PHACTR1: variants seen among roughly 807,000 people sequenced by gnomAD.
PHACTR1 encodes the protein RPEL repeat containing 1.
Under a neutral mutation model 69.2 loss-of-function variants are expected in PHACTR1, and 16 were observed. The ratio of observed to expected loss-of-function variants is 0.23; its 90% CI spans 0.16 to 0.35. The LOEUF (loss-of-function observed/expected upper bound fraction) is 0.35. Ranked by LOEUF, PHACTR1 falls within the 10% of genes least tolerant of loss-of-function variation. The probability of loss-of-function intolerance (pLI) is 1.00; values close to 1 mark genes in which losing one functional copy is unlikely to be tolerated. For synonymous variants in PHACTR1, 312 were observed against 284.5 expected, an observed-to-expected ratio of 1.10 and a Z score of -0.97; for missense variants, 510 against 734.7, an observed-to-expected ratio of 0.69 and a Z score of 3.54.
intron 5 of PHACTR1, among the ~76,000 whole-genome samples, chr6:13,070,782 C>G (rs1466076085): frequency 1.3e-5 from 2 of 151,612 alleles, no homozygotes; most frequent in African/African-American, 4.9e-5. Flanking sequence ...AGAAAGATAC[C>G]TATATGATGT....
At chr6:13,184,738 TG>T in intron 7 of PHACTR1, 1 of 1,289,354 alleles carries the variant, frequency 7.8e-7, no homozygotes, top group Non-Finnish European at 1.0e-6. Flanking sequence ...TGTTCCCCGC[TG>T]GCCCCGCCTG....
chr6:13,059,487 CACACACAA>C (rs1362260048), intron 5 of PHACTR1, among the ~76,000 whole-genome samples: 3 of 139,806 alleles, frequency 2.1e-5, no homozygotes, highest in African/African-American at 8.0e-5. Context: ...CACACACACA[CACACACAA>C]AACCCACAGA....
At chr6:13,270,743 C>A (rs1210457684) in intron 10 of PHACTR1, among the ~76,000 whole-genome samples, 1 of 152,110 alleles carries the variant, frequency 6.6e-6, no homozygotes, top group African/African-American at 2.4e-5. Context: ...ACCAAAAATC[C>A]TTTCTCTGAC....
chr6:13,248,458 C>A (rs1773895273), intron 10 of PHACTR1, among the ~76,000 whole-genome samples: 1 of 152,158 alleles, frequency 6.6e-6, no homozygotes, highest in African/African-American at 2.4e-5. Flanking sequence ...GATAATATAG[C>A]ATCGAGGTAT....
rs562995830 is a variant in PHACTR1, at chr6:13,095,075, C to A, written c.415+41546C>A. ...GAATACACAGCACCGTGGCTGCCACCTGCAAGCCAAGAGAAGAGGCCTCAG... is the reference window on the plus strand; with the variant it reads ...GAATACACAGCACCGTGGCTGCCACATGCAAGCCAAGAGAAGAGGCCTCAG... On this transcript the variant is annotated intron_variant, in intron 5 of 14. Coordinates refer to ENST00000332995, the MANE Select transcript of PHACTR1 (RefSeq NM_030948.6). Among the ~76,000 whole-genome samples the A allele has an allele frequency of 6.8e-4, 103 of 152,294 alleles. 1 individual carries two copies. Among genetic ancestry groups the A allele is most frequent in the Non-Finnish European group, 2.2e-4 (15 of 68,010 alleles).
intron 4 of PHACTR1, among the ~76,000 whole-genome samples, chr6:12,948,302 G>C (rs901796714): frequency 1.3e-5 from 2 of 151,616 alleles, no homozygotes; most frequent in Non-Finnish European, 2.9e-5. Flanking sequence ...CATAAAAGCT[G>C]AGAAATATAG....
intron 8 of PHACTR1, among the ~76,000 whole-genome samples, chr6:13,211,572 T>C (rs1766851253): frequency 6.6e-6 from 1 of 152,196 alleles, no homozygotes; most frequent in Admixed American, 6.5e-5. Flanking sequence ...AAAGAAGTCT[T>C]TCCCTTCTCA....
chr6:13,247,284 C>T (rs1429033406), intron 10 of PHACTR1, among the ~76,000 whole-genome samples: 2 of 151,342 alleles, frequency 1.3e-5, no homozygotes, highest in Admixed American at 1.3e-4. Flanking sequence ...TAGGATTTTC[C>T]TCATTTTGCT....
intron 6 of PHACTR1, among the ~76,000 whole-genome samples, chr6:13,176,003 G>A (rs1399660295): frequency 1.3e-5 from 2 of 151,948 alleles, no homozygotes; most frequent in African/African-American, 2.4e-5. Context: ...GAGACACAGG[G>A]GCCAGTGCTT....
At chr6:12,954,858 A>G (rs1791690576) in intron 4 of PHACTR1, among the ~76,000 whole-genome samples, 1 of 152,214 alleles carries the variant, frequency 6.6e-6, no homozygotes, top group Non-Finnish European at 1.5e-5. Flanking sequence ...TTGTTCCCCT[A>G]AAATAAATTC....
At chr6:13,247,665 T>C (rs1337200783) in intron 10 of PHACTR1, among the ~76,000 whole-genome samples, 4 of 152,100 alleles carry the variant, frequency 2.6e-5, no homozygotes, top group Admixed American at 2.0e-4. Flanking sequence ...TCTTAAAAGA[T>C]GCCAAGACAG....
chr6:12,732,305 C>T (rs75472773), intron 3 of PHACTR1, among the ~76,000 whole-genome samples: 1 of 84,668 alleles, frequency 1.2e-5, no homozygotes, highest in African/African-American at 6.0e-5. Context: ...TGGGCACACA[C>T]AGATTTTTTT....
At chr6:13,195,757 C>CAAAAAAAAAAAGAAA (rs1764284053) in intron 7 of PHACTR1, among the ~76,000 whole-genome samples, 1 of 41,512 alleles carries the variant, frequency 2.4e-5, no homozygotes, top group East Asian at 2.8e-4. Flanking sequence ...GACACCGTCT[C>CAAAAAAAAAAAGAAA]AAAAAAAAAA....
chr6:13,129,672 C>T (rs1213829686), intron 5 of PHACTR1, among the ~76,000 whole-genome samples: 1 of 151,974 alleles, frequency 6.6e-6, no homozygotes, highest in African/African-American at 2.4e-5. Flanking sequence ...ACTACTAGAC[C>T]TAAGAAATGA....
intron 4 of PHACTR1, among the ~76,000 whole-genome samples, chr6:12,893,729 C>T (rs1384082773): frequency 6.6e-6 from 1 of 152,152 alleles, no homozygotes; most frequent in Non-Finnish European, 1.5e-5. Flanking sequence ...TCTCTTCTTC[C>T]AGCATGACTG....
At chr6:12,742,770 C>T (rs1200850801) in intron 3 of PHACTR1, among the ~76,000 whole-genome samples, 1 of 152,096 alleles carries the variant, frequency 6.6e-6, no homozygotes, top group East Asian at 1.9e-4. Context: ...TTATTAGGGT[C>T]TCTGGTACTC....
At chr6:13,003,968 TATATATATATACAC>T (rs1452726359) in intron 4 of PHACTR1, among the ~76,000 whole-genome samples, 5 of 129,672 alleles carry the variant, frequency 3.9e-5, no homozygotes, top group African/African-American at 1.6e-4. Context: ...TATATATGTA[TATATATATATACAC>T]ATATATATAT....
chr6:13,103,342 G>A (rs1815497184), intron 5 of PHACTR1, among the ~76,000 whole-genome samples: 3 of 152,172 alleles, frequency 2.0e-5, no homozygotes, highest in African/African-American at 4.8e-5. Context: ...TTTCCAAGGA[G>A]AAACAGGAAA....
intron 4 of PHACTR1, among the ~76,000 whole-genome samples, chr6:12,762,853 A>G (rs1768177241): frequency 6.6e-6 from 1 of 152,184 alleles, no homozygotes; most frequent in Admixed American, 6.5e-5. Flanking sequence ...TCTAGGAATA[A>G]AAGATTTGCC....
Sources: allele counts gnomAD v4.1 joint callset (sites outside exome capture counted in the v4.1 genomes callset), GRCh38; gene constraint gnomAD v4.1.1; transcripts MANE v1.5; gene names NCBI Gene and HGNC (gene_info 2026-07-23, HGNC 2026-07-21).